KCNIP4: variants seen among roughly 807,000 people sequenced by gnomAD.
KCNIP4 encodes Kv channel-interacting protein 4.
In KCNIP4, 12 loss-of-function variants were observed where a neutral mutation model predicts 34.0. The ratio of observed to expected loss-of-function variants is 0.35; its 90% CI spans 0.23 to 0.57. The LOEUF (loss-of-function observed/expected upper bound fraction) is 0.57. Ranked by LOEUF, KCNIP4 falls within the 20% of genes least tolerant of loss-of-function variation. The pLI is 0.83. For missense variants in KCNIP4, 238 were observed against 311.7 expected (o/e 0.76, Z 1.78); for synonymous variants, 124 against 102.2 (o/e 1.21, Z -1.29).
At chr4:21,564,593 T>C (rs1739697280) in intron 1 of KCNIP4, among the ~76,000 whole-genome samples, 1 of 152,092 alleles carries the variant, frequency 6.6e-6, no homozygotes, top group Non-Finnish European at 1.5e-5. Flanking sequence ...CAGATAAATG[T>C]GGAGAAAATT....
chr4:21,703,695 C>A (rs901102050), intron 1 of KCNIP4, among the ~76,000 whole-genome samples: 1 of 152,010 alleles, frequency 6.6e-6, no homozygotes, highest in African/African-American at 2.4e-5. Context: ...AAAACATATA[C>A]AAGACTTGTG....
chr4:20,824,616 G>A (rs1024240280), intron 3 of KCNIP4, among the ~76,000 whole-genome samples: 1 of 152,076 alleles, frequency 6.6e-6, no homozygotes, highest in African/African-American at 2.4e-5. Context: ...GGAGGCAGAG[G>A]TTGCAGTGAG....
chr4:21,388,646 A>G (rs1333255541), intron 1 of KCNIP4, among the ~76,000 whole-genome samples: 2 of 152,110 alleles, frequency 1.3e-5, no homozygotes, highest in Non-Finnish European at 2.9e-5. Context: ...ACATCCTTCT[A>G]TCCTTTTAGC....
rs1740752201 is a variant in KCNIP4, at chr4:21,576,519, T to TA, written c.61+372051dup. ...CATTAGACCTCGCTTGCATACTGAC[T>TA]AAAAATCAATGCCCTAAAATTGCTG... On this transcript the variant is annotated intron_variant, in intron 1 of 8. Transcript: ENST00000382152. Among the ~76,000 whole-genome samples the TA allele has an allele frequency of 3.9e-5, 6 of 152,298 alleles. 1 individual carries two copies. The South Asian group carries it at 1.2e-3, about 32-fold the overall frequency.
chr4:21,013,669 T>C (rs1357108386), intron 1 of KCNIP4, among the ~76,000 whole-genome samples: 1 of 152,182 alleles, frequency 6.6e-6, no homozygotes, highest in Non-Finnish European at 1.5e-5. Flanking sequence ...GAGGAGGATT[T>C]GTGTCAGGTA....
chr4:20,918,026 G>A (rs955469066), intron 1 of KCNIP4, among the ~76,000 whole-genome samples: 15 of 152,076 alleles, frequency 9.9e-5, no homozygotes, highest in African/African-American at 1.9e-4. Flanking sequence ...AGTTTTGAGC[G>A]TTATTAAAGG....
At chr4:21,414,173 T>C (rs1724750214) in intron 1 of KCNIP4, among the ~76,000 whole-genome samples, 1 of 152,214 alleles carries the variant, frequency 6.6e-6, no homozygotes, top group East Asian at 1.9e-4. Flanking sequence ...CAGAAAGTAC[T>C]AGAGGTGGTT....
At chr4:21,370,846 T>TACACAC (rs1720337803) in intron 1 of KCNIP4, among the ~76,000 whole-genome samples, 4 of 24,504 alleles carry the variant, frequency 1.6e-4, no homozygotes, top group South Asian at 3.1e-3. Flanking sequence ...TATATATATA[T>TACACAC]ATATACACAC....
chr4:20,851,246 A>C (rs1407725679), intron 2 of KCNIP4, among the ~76,000 whole-genome samples: 1 of 152,122 alleles, frequency 6.6e-6, no homozygotes, highest in African/African-American at 2.4e-5. Flanking sequence ...ATGTGTTCTC[A>C]TCAATCAGCT....
Position 21,268,429 on chromosome 4 carries a change from G to A in KCNIP4, c.62-385720C>T, listed in dbSNP as rs768886745. ...TATTTGTATAGGGATGCCACTTCCC[G>A]TTTTAATATTTTGTTACTTTAACAC... On this transcript the variant is annotated intron_variant, in intron 1 of 8. Transcript: ENST00000382152. 5.3e-5 allele frequency among the ~76,000 whole-genome samples: 8 copies of A among 152,230 alleles called. 1 individual carries two copies. The South Asian group carries it at 8.3e-4, about 16-fold the overall frequency.
At chr4:21,459,146 C>T (rs935655772) in intron 1 of KCNIP4, among the ~76,000 whole-genome samples, 6 of 152,040 alleles carry the variant, frequency 3.9e-5, no homozygotes, top group Non-Finnish European at 7.4e-5. Context: ...GTTTCTATGG[C>T]CACTCTCTTC....
intron 3 of KCNIP4, among the ~76,000 whole-genome samples, chr4:20,805,765 T>A (rs7695774): frequency 0.45 from 68,757 of 151,902 alleles, 16,100 homozygotes; most frequent in East Asian, 0.7. Flanking sequence ...TTTTCATTGC[T>A]TAAATCTTTC....
chr4:21,616,111 C>G (rs1366394873), intron 1 of KCNIP4, among the ~76,000 whole-genome samples: 1 of 152,138 alleles, frequency 6.6e-6, no homozygotes, highest in Non-Finnish European at 1.5e-5. Context: ...CCAGTCACTG[C>G]CCTTGTCTCA....
At chr4:21,209,611 C>CTATCTATT (rs965070940) in intron 1 of KCNIP4, among the ~76,000 whole-genome samples, 2 of 151,200 alleles carry the variant, frequency 1.3e-5, no homozygotes, top group African/African-American at 2.4e-5. Context: ...ATCTATCTAT[C>CTATCTATT]TATCTATTTA....
At chr4:21,228,609 A>T (rs527437190) in intron 1 of KCNIP4, among the ~76,000 whole-genome samples, 44 of 152,264 alleles carry the variant, frequency 2.9e-4, no homozygotes, top group African/African-American at 1.0e-3. Flanking sequence ...TATGAGCTCT[A>T]TCTCAGGGAG....
Position 20,962,770 on chromosome 4 carries a change from G to A in KCNIP4, c.62-80061C>T, listed in dbSNP as rs373871934. 3.2e-4 allele frequency among the ~76,000 whole-genome samples: 48 copies of A among 152,268 alleles called. 1 individual carries two copies. The highest frequency in any genetic ancestry group is 7.2e-4 in the African/African-American group (30 of 41,554). On this transcript the variant is annotated intron_variant, in intron 1 of 8. Coordinates refer to ENST00000382152, the MANE Select transcript of KCNIP4 (RefSeq NM_025221.6). ...TGTGAAGAAAAATGTATAGATGAGCGATAACAGGATTTATAACTCAGTGAC... is the reference window on the plus strand; with the variant it reads ...TGTGAAGAAAAATGTATAGATGAGCAATAACAGGATTTATAACTCAGTGAC...
At chr4:21,835,627 T>C (rs1723273688) in intron 1 of KCNIP4, among the ~76,000 whole-genome samples, 3 of 152,130 alleles carry the variant, frequency 2.0e-5, no homozygotes. Flanking sequence ...TAACTAACAA[T>C]CTTACTTGTA....
At chr4:20,944,872 A>G (rs941957763) in intron 1 of KCNIP4, among the ~76,000 whole-genome samples, 6 of 152,070 alleles carry the variant, frequency 3.9e-5, no homozygotes, top group African/African-American at 1.2e-4. Flanking sequence ...GCACGTGTTT[A>G]TACTTATTTA....
intron 3 of KCNIP4, among the ~76,000 whole-genome samples, chr4:20,792,210 CTAAAAA>C (rs1712847512): frequency 6.6e-6 from 1 of 152,016 alleles, no homozygotes; most frequent in Admixed American, 6.6e-5. Context: ...TCTGTCTCTA[CTAAAAA>C]TACAAAAATT....
Sources: gnomAD v4.1 joint callset for allele counts (sites outside exome capture counted in the v4.1 genomes callset) on GRCh38, gnomAD v4.1.1 for gene constraint, MANE v1.5 for transcripts, NCBI Gene and HGNC (gene_info 2026-07-23, HGNC 2026-07-21) for gene names.